Variants in RABGAP1L observed in about 807,000 individuals in gnomAD.
RABGAP1L encodes RAB GTPase activating protein 1 like.
In RABGAP1L, 63 loss-of-function variants were observed where a neutral mutation model predicts 137.7. The ratio of observed to expected loss-of-function variants is 0.46; its 90% CI spans 0.37 to 0.56. The LOEUF (loss-of-function observed/expected upper bound fraction) is 0.56, where lower values mean the gene tolerates loss of function less well. Among genes scored for constraint, RABGAP1L ranks in the 20% least tolerant of loss-of-function variants. The pLI is 0.00. For synonymous variants in RABGAP1L, 431 were observed against 433.7 expected, an observed-to-expected ratio of 0.99 and a Z score of 0.08; for missense variants, 1,095 against 1,244.0, an observed-to-expected ratio of 0.88 and a Z score of 1.80.
intron 14 of RABGAP1L, among the ~76,000 whole-genome samples, 186 bp from the exon 15 acceptor site, chr1:174,683,336 T>G (rs1213638995): frequency 1.3e-5 from 2 of 152,054 alleles, no homozygotes; most frequent in Non-Finnish European, 2.9e-5. Flanking sequence ...TAGAGCTGCT[T>G]TAGGAAATAC....
rs916634525 is a variant in RABGAP1L, at chr1:174,448,518, G to T, written c.1710+54373G>T. 6.2e-7 allele frequency: 1 copy of T among 1,612,924 alleles called. No homozygotes were observed. Among genetic ancestry groups the T allele is most frequent in the Non-Finnish European group, 8.5e-7 (1 of 1,179,030 alleles). On this transcript the variant is annotated intron_variant, in intron 13 of 25. Coordinates refer to ENST00000681986, the MANE Select transcript of RABGAP1L (RefSeq NM_001366446.1). This position sits in a 1 kb window ranked among gnomAD's most constrained non-coding sequence, Gnocchi z 4.2. ...TCTATGGCATGTCTTGCTTGCATCAGTGTGGATCGTTATCTTGCAATAACC... is the reference window on the plus strand; with the variant it reads ...TCTATGGCATGTCTTGCTTGCATCATTGTGGATCGTTATCTTGCAATAACC...
intron 1 of RABGAP1L, among the ~76,000 whole-genome samples, chr1:174,161,307 A>G (rs1056634312): frequency 4.0e-5 from 6 of 150,346 alleles, no homozygotes; most frequent in Non-Finnish European, 1.5e-5. Flanking sequence ...CAACAGCGCG[A>G]TCTCGGCTCA....
intron 19 of RABGAP1L, among the ~76,000 whole-genome samples, chr1:174,912,487 A>T (rs925596122): frequency 6.6e-6 from 1 of 152,198 alleles, no homozygotes; most frequent in African/African-American, 2.4e-5. Context: ...GAACATACTC[A>T]TATCTAGAAA....
At chr1:174,287,485 C>T (rs1676161610) in intron 10 of RABGAP1L, among the ~76,000 whole-genome samples, 1 of 152,028 alleles carries the variant, frequency 6.6e-6, no homozygotes. Flanking sequence ...CATTCAGTCA[C>T]TCTATATCTT....
intron 14 of RABGAP1L, among the ~76,000 whole-genome samples, chr1:174,679,961 C>G (rs920799881): frequency 2.0e-5 from 3 of 151,868 alleles, no homozygotes; most frequent in African/African-American, 7.3e-5. Context: ...AATGTAAATG[C>G]CAAAACAAAA....
chr1:174,171,007 A>G (rs975418065), intron 1 of RABGAP1L, among the ~76,000 whole-genome samples: 2 of 152,234 alleles, frequency 1.3e-5, no homozygotes, highest in African/African-American at 2.4e-5. Flanking sequence ...CTATAAAGAC[A>G]TATTTTGTGT....
In RABGAP1L at chr1:174,760,263, A is replaced by G. The variant is rs562703748; in HGVS notation, c.2211+7909A>G. On this transcript the variant is annotated intron_variant, in intron 18 of 25. Transcript: ENST00000681986. ...AAATTGTGTGTCATGGGGGTTTGGT[A>G]TACAGATTATTTCTTCACCCAGGTG... Among the ~76,000 whole-genome samples the G allele has an allele frequency of 9.2e-5, 14 of 151,890 alleles. No homozygotes were observed. The East Asian group carries it at 2.5e-3, about 27-fold the overall frequency.
At position 174,305,068 on chromosome 1, in the gene RABGAP1L, C is replaced by T; in HGVS notation, c.1406C>T (p.Pro469Leu). Residue 469 changes from proline (P) to leucine (L), a missense_variant, in exon 11 of 26, where the codon CCA becomes CTA. Physicochemically the swap from Pro to Leu is moderately conservative, Grantham distance 98. Transcript: ENST00000681986. ...SLQRESDKEE[P>L]VTPTSGGGPM... ...CAGCGAGAGTCTGACAAGGAGGAACCAGTCACTCCTACTAGTGGAGGGGGT... is the reference window on the plus strand; with the variant it reads ...CAGCGAGAGTCTGACAAGGAGGAACTAGTCACTCCTACTAGTGGAGGGGGT... 6.4e-7 allele frequency: 1 copy of T among 1,560,188 alleles called. No homozygotes were observed. Among genetic ancestry groups the T allele is most frequent in the Non-Finnish European group, 8.6e-7 (1 of 1,158,790 alleles).
At chr1:174,488,350 C>T (rs1184339393) in intron 13 of RABGAP1L, among the ~76,000 whole-genome samples, 2 of 151,346 alleles carry the variant, frequency 1.3e-5, no homozygotes, top group Admixed American at 1.3e-4. Flanking sequence ...TTACATATGT[C>T]ATGCCACTGT....
chr1:174,899,620 CT>C, intron 19 of RABGAP1L, among the ~76,000 whole-genome samples: 1 of 152,246 alleles, frequency 6.6e-6, no homozygotes, highest in South Asian at 2.1e-4. Context: ...ACAGAGTATC[CT>C]CATCCATCCT....
At chr1:174,374,312 C>T (rs184158146) in intron 12 of RABGAP1L, among the ~76,000 whole-genome samples, 1 of 152,230 alleles carries the variant, frequency 6.6e-6, no homozygotes, top group East Asian at 1.9e-4. Flanking sequence ...TTATTTGTCC[C>T]TGATTCTCTG....
chr1:174,966,526 A>G (rs1381067667), intron 20 of RABGAP1L, among the ~76,000 whole-genome samples: 2 of 152,200 alleles, frequency 1.3e-5, no homozygotes, highest in African/African-American at 4.8e-5. Context: ...TAATAGATAT[A>G]TCAGAAATAA....
chr1:174,478,751 A>G (rs969959795), intron 13 of RABGAP1L, among the ~76,000 whole-genome samples: 1 of 152,204 alleles, frequency 6.6e-6, no homozygotes, highest in African/African-American at 2.4e-5. Flanking sequence ...AGAGACCAAT[A>G]CAACTTACAA....
intron 12 of RABGAP1L, among the ~76,000 whole-genome samples, chr1:174,371,966 A>C (rs1685146199): frequency 6.6e-6 from 1 of 152,156 alleles, no homozygotes; most frequent in Admixed American, 6.6e-5. Flanking sequence ...ATGATTTTTC[A>C]TTGTAAAATC....
At chr1:174,855,064 C>T (rs928794219) in intron 19 of RABGAP1L, among the ~76,000 whole-genome samples, 1 of 151,942 alleles carries the variant, frequency 6.6e-6, no homozygotes, top group African/African-American at 2.4e-5. Context: ...AGTGCTCCCT[C>T]TTTCTTTCCT....
intron 18 of RABGAP1L, among the ~76,000 whole-genome samples, chr1:174,791,321 C>CA (rs1352099408): frequency 6.6e-6 from 1 of 152,128 alleles, no homozygotes; most frequent in Non-Finnish European, 1.5e-5. Context: ...TTTACAGTGA[C>CA]AGCTGTTAAA....
intron 13 of RABGAP1L, among the ~76,000 whole-genome samples, chr1:174,612,436 T>A (rs1174354672): frequency 1.3e-5 from 2 of 152,336 alleles, no homozygotes; most frequent in Middle Eastern, 3.4e-3. Context: ...AGCTTTTTGA[T>A]GTGCTGCTGG....
intron 13 of RABGAP1L, among the ~76,000 whole-genome samples, chr1:174,430,962 T>C (rs981518032): frequency 6.6e-6 from 1 of 152,230 alleles, no homozygotes; most frequent in Non-Finnish European, 1.5e-5. Flanking sequence ...TTTAAAATTC[T>C]AGTTGCTATA....
chr1:174,353,487 C>T (rs540252627), intron 11 of RABGAP1L, among the ~76,000 whole-genome samples: 1 of 152,302 alleles, frequency 6.6e-6, no homozygotes, highest in East Asian at 1.9e-4. Context: ...GGATTACAGT[C>T]CTTGTGGCCT....
Sources: allele counts gnomAD v4.1 joint callset (sites outside exome capture counted in the v4.1 genomes callset), GRCh38; gene constraint gnomAD v4.1.1; non-coding constraint Gnocchi (gnomAD v3.1); transcripts MANE v1.5; gene names NCBI Gene and HGNC (gene_info 2026-07-23, HGNC 2026-07-21).